The following ERBB4 variants were observed in gnomAD, a reference collection of about 807,000 sequenced individuals.
ERBB4 encodes erb-b2 receptor tyrosine kinase 4.
A neutral mutation model predicts 158.0 loss-of-function variants in ERBB4; 42 were observed. The observed-to-expected ratio is 0.27, with a 90% CI of 0.21 to 0.34. The LOEUF (loss-of-function observed/expected upper bound fraction) is 0.34, where lower values mean the gene tolerates loss of function less well. Ranked by LOEUF, ERBB4 falls within the 10% of genes least tolerant of loss-of-function variation. ERBB4 has a pLI of 1.00. For missense variants in ERBB4, 1,333 were observed against 1,624.1 expected, an observed-to-expected ratio of 0.82 and a Z score of 3.08; for synonymous variants, 583 against 558.7, an observed-to-expected ratio of 1.04 and a Z score of -0.61.
In ERBB4 at chr2:211,722,379, A is replaced by T; in HGVS notation, c.883+14T>A. The T allele has an allele frequency of 6.2e-7, 1 of 1,605,728 alleles. No individual in the cohort carries two copies. The highest frequency in any genetic ancestry group is 8.5e-7 in the Non-Finnish European group (1 of 1,172,450). On this transcript the variant is annotated intron_variant, in intron 7 of 27. Transcript: ENST00000342788. ...TGACCTAATTAATTTGGTTATTCTT[A>T]TTCTGTTACTTACGTGGACATTTCT...
At chr2:211,393,729 A>G (rs1401686107) in intron 25 of ERBB4, among the ~76,000 whole-genome samples, 1 of 146,980 alleles carries the variant, frequency 6.8e-6, no homozygotes, top group South Asian at 2.2e-4. Flanking sequence ...TTGAGTATTA[A>G]GAGTTAATAG....
At chr2:212,491,110 T>C (rs1690253491) in intron 1 of ERBB4, among the ~76,000 whole-genome samples, 1 of 151,596 alleles carries the variant, frequency 6.6e-6, no homozygotes, top group Non-Finnish European at 1.5e-5. Context: ...GCTGTCTCTG[T>C]AACTAAATCA....
chr2:211,468,822 G>A (rs2064761643), intron 20 of ERBB4, among the ~76,000 whole-genome samples: 1 of 98,564 alleles, frequency 1.0e-5, no homozygotes, highest in Non-Finnish European at 2.2e-5. Flanking sequence ...TGTGTAATGT[G>A]GATCCTGCAG....
At chr2:212,308,027 A>C (rs1460306086) in intron 1 of ERBB4, among the ~76,000 whole-genome samples, 2 of 150,898 alleles carry the variant, frequency 1.3e-5, no homozygotes, top group Non-Finnish European at 3.0e-5. Flanking sequence ...TGTATTTTCT[A>C]TCTCTACCTT....
At chr2:212,226,984 G>A (rs185127493) in intron 1 of ERBB4, among the ~76,000 whole-genome samples, 2 of 152,174 alleles carry the variant, frequency 1.3e-5, no homozygotes, top group Admixed American at 1.3e-4. Context: ...AATGGCTCAC[G>A]CCTGTAATCC....
At chr2:212,261,878 C>G (rs2084959089) in intron 1 of ERBB4, among the ~76,000 whole-genome samples, 1 of 151,814 alleles carries the variant, frequency 6.6e-6, no homozygotes, top group Non-Finnish European at 1.5e-5. Flanking sequence ...GGTTTTGATG[C>G]TTATAAAATG....
At chr2:212,158,061 CACTT>C (rs2081094807) in intron 1 of ERBB4, among the ~76,000 whole-genome samples, 1 of 152,022 alleles carries the variant, frequency 6.6e-6, no homozygotes, top group Admixed American at 6.6e-5. Context: ...ATTTGCCGAA[CACTT>C]ACTGAGTCTG....
intron 5 of ERBB4, among the ~76,000 whole-genome samples, chr2:211,733,395 C>A (rs1285701094): frequency 6.6e-6 from 1 of 151,986 alleles, no homozygotes; most frequent in Non-Finnish European, 1.5e-5. Flanking sequence ...TCCTCACAGG[C>A]CTGTAGATAT....
rs3791709 is a variant in ERBB4, at chr2:211,422,209, A to T, written c.2867-105T>A. On this transcript the variant is annotated intron_variant, in intron 23 of 27. Coordinates refer to ENST00000342788, the MANE Select transcript of ERBB4 (RefSeq NM_005235.3). ...CAAAAGTTTGAAAAATGTTGTTTTAATCGTAATGATCTGAGAAAGAAAGCA... is the reference window on the plus strand; with the variant it reads ...CAAAAGTTTGAAAAATGTTGTTTTATTCGTAATGATCTGAGAAAGAAAGCA... 0.3 allele frequency: 219,409 copies of T among 737,032 alleles called. 36,581 individuals are homozygous for T. The highest frequency in any genetic ancestry group is 0.53 in the South Asian group (36,708 of 69,788). 45.7% of individuals were successfully genotyped at this position (737,032 alleles called of 1,614,324 possible).
intron 15 of ERBB4, among the ~76,000 whole-genome samples, chr2:211,660,645 G>A (rs976458669): frequency 5.9e-5 from 9 of 152,228 alleles, no homozygotes; most frequent in South Asian, 2.1e-4. Context: ...AGTGGTTAAC[G>A]GGGAAAGAAG....
chr2:212,509,289 T>C (rs1400319639), intron 1 of ERBB4, among the ~76,000 whole-genome samples: 2 of 152,048 alleles, frequency 1.3e-5, no homozygotes, highest in African/African-American at 2.4e-5. Context: ...TTAAATGATA[T>C]GTTGTACAAT....
chr2:211,660,210 G>C (rs537675400), intron 15 of ERBB4, among the ~76,000 whole-genome samples: 26 of 152,330 alleles, frequency 1.7e-4, no homozygotes, highest in African/African-American at 6.0e-4. Flanking sequence ...AAGAAGTAGT[G>C]AAGTTGCTAG....
chr2:211,660,653 A>G lies in ERBB4; in HGVS notation c.1872-2825T>C, dbSNP rs146742819. 9.7e-3 allele frequency among the ~76,000 whole-genome samples: 1,478 copies of G among 152,286 alleles called. 18 individuals are homozygous for G. Among genetic ancestry groups the G allele is most frequent in the South Asian group, 0.042 (202 of 4,828 alleles). ...AAAGATGAGTGGTTAACGGGGAAAG[A>G]AGGCATGAGTATAATGATCAATCTT... On this transcript the variant is annotated intron_variant, in intron 15 of 27. Coordinates refer to ENST00000342788, the MANE Select transcript of ERBB4 (RefSeq NM_005235.3).
chr2:212,312,355 A>G (rs1022038122), intron 1 of ERBB4, among the ~76,000 whole-genome samples: 3 of 151,022 alleles, frequency 2.0e-5, no homozygotes, highest in African/African-American at 7.3e-5. Context: ...GTTGAGTGGT[A>G]AAATTTTCAA....
At chr2:212,012,415 A>ATTTT (rs34430050) in intron 2 of ERBB4, among the ~76,000 whole-genome samples, 10 of 126,584 alleles carry the variant, frequency 7.9e-5, no homozygotes, top group Admixed American at 8.0e-5. Flanking sequence ...TAAGAACTGC[A>ATTTT]TTTTTTTTTT....
chr2:211,486,074 T>C (rs558965279), intron 20 of ERBB4, among the ~76,000 whole-genome samples: 2 of 152,262 alleles, frequency 1.3e-5, no homozygotes, highest in South Asian at 4.1e-4. Context: ...TCTATAGTTG[T>C]ATTTATAACA....
intron 1 of ERBB4, among the ~76,000 whole-genome samples, chr2:212,126,569 A>G (rs1353597269): frequency 6.6e-6 from 1 of 151,978 alleles, no homozygotes; most frequent in African/African-American, 2.4e-5. Flanking sequence ...TCACCACTTA[A>G]TGTACTGACT....
intron 19 of ERBB4, among the ~76,000 whole-genome samples, chr2:211,568,331 T>C (rs1431308968): frequency 2.0e-5 from 3 of 152,124 alleles, no homozygotes; most frequent in African/African-American, 7.2e-5. Flanking sequence ...GAAGCATGTA[T>C]GTCAAGTCTC....
At chr2:212,159,318 T>C (rs1575723073) in intron 1 of ERBB4, among the ~76,000 whole-genome samples, 1 of 151,200 alleles carries the variant, frequency 6.6e-6, no homozygotes, top group African/African-American at 2.4e-5. Context: ...CAGAATCATA[T>C]ATAATTCCGT....
Sources: allele counts gnomAD v4.1 joint callset (sites outside exome capture counted in the v4.1 genomes callset), GRCh38; gene constraint gnomAD v4.1.1; transcripts MANE v1.5; gene names NCBI Gene and HGNC (gene_info 2026-07-23, HGNC 2026-07-21).